The following MPP7 variants were observed in gnomAD, a reference collection of about 807,000 sequenced individuals.
MPP7 encodes the protein MAGUK p55 scaffold protein 7, also known as MAGUK p55 subfamily member 7.
A neutral mutation model predicts 76.5 loss-of-function variants in MPP7; 60 were observed. That is an observed-to-expected ratio of 0.78 (90% confidence interval 0.64 to 0.97). MPP7 has a LOEUF of 0.97. MPP7 is among the 50% of genes least tolerant of loss of function. The pLI is 0.00. For missense variants in MPP7, 641 were observed against 694.0 expected (o/e 0.92, Z 0.86); for synonymous variants, 237 against 244.5 (o/e 0.97, Z 0.29).
At chr10:28,121,167 C>T (rs192266822) in intron 8 of MPP7, among the ~76,000 whole-genome samples, 2 of 151,658 alleles carry the variant, frequency 1.3e-5, no homozygotes, top group South Asian at 2.1e-4. Flanking sequence ...ATTAGCCAAG[C>T]GTGGTGATGA....
At position 28,310,511 on chromosome 10, in the gene MPP7, A is replaced by C. The variant is rs555784383; in HGVS notation, c.-132+19418T>G. ...ACCCAGAATCCAGCAACTTTCAATTATATACCATTAAAAATACCATAAACA... is the reference window on the plus strand; with the variant it reads ...ACCCAGAATCCAGCAACTTTCAATTCTATACCATTAAAAATACCATAAACA... On this transcript the variant is annotated intron_variant, in intron 2 of 11. Coordinates refer to the MPP7 transcript ENST00000441595. 6.6e-5 allele frequency among the ~76,000 whole-genome samples: 10 copies of C among 152,302 alleles called. No homozygotes were observed. The East Asian group carries it at 1.7e-3, about 26-fold the overall frequency.
intron 2 of MPP7, among the ~76,000 whole-genome samples, chr10:28,235,657 A>T (rs1174004071): frequency 1.3e-5 from 2 of 152,210 alleles, no homozygotes; most frequent in Non-Finnish European, 2.9e-5. Flanking sequence ...ATGTGTAAAA[A>T]CAAATCTTTA....
chr10:28,250,246 C>A (rs11006947), intron 1 of MPP7, among the ~76,000 whole-genome samples: 15,960 of 152,014 alleles, frequency 0.1, 1,266 homozygotes, highest in East Asian at 0.4. Context: ...GTAATTTATG[C>A]AAAAATACTT....
intron 3 of MPP7, among the ~76,000 whole-genome samples, chr10:28,173,740 A>T (rs1836766044): frequency 6.6e-6 from 1 of 152,246 alleles, no homozygotes; most frequent in African/African-American, 2.4e-5. Flanking sequence ...CACCTAGGAA[A>T]AACACTAGTG....
intron 12 of MPP7, among the ~76,000 whole-genome samples, chr10:28,078,168 C>A (rs1455635104): frequency 6.6e-6 from 1 of 152,216 alleles, no homozygotes; most frequent in African/African-American, 2.4e-5. Flanking sequence ...GTAGCTGTTG[C>A]TCTGCTGTCT....
At chr10:28,217,694 G>A (rs1450985669) in intron 2 of MPP7, among the ~76,000 whole-genome samples, 1 of 152,008 alleles carries the variant, frequency 6.6e-6, no homozygotes, top group Non-Finnish European at 1.5e-5. Context: ...ATGAGGCAGG[G>A]GAAGGGAAAA....
At chr10:28,270,884 A>G (rs945297506) in intron 1 of MPP7, among the ~76,000 whole-genome samples, 11 of 152,112 alleles carry the variant, frequency 7.2e-5, no homozygotes, top group African/African-American at 2.7e-4. Context: ...AGGGACATTA[A>G]ATGATGATGG....
intron 8 of MPP7, among the ~76,000 whole-genome samples, chr10:28,121,812 T>TAAAA (rs35378187): frequency 0.041 from 6,014 of 145,318 alleles, 248 homozygotes; most frequent in East Asian, 0.11. Flanking sequence ...TCCATTTATT[T>TAAAA]AAAAAAAAAA....
At chr10:28,279,704 CAAAA>C (rs1338156148) in intron 1 of MPP7, among the ~76,000 whole-genome samples, 2 of 113,582 alleles carry the variant, frequency 1.8e-5, no homozygotes, top group Admixed American at 9.3e-5. Context: ...GACGCTGTCT[CAAAA>C]AAAAAAAAAA....
At chr10:28,071,999 C>T (rs570238738) in intron 12 of MPP7, among the ~76,000 whole-genome samples, 30 of 152,260 alleles carry the variant, frequency 2.0e-4, no homozygotes, top group Admixed American at 1.0e-3. Context: ...TGGGGCCTGG[C>T]GCGGTGGCTC....
chr10:28,330,934 T>A (rs2133192948), intron 1 of MPP7, among the ~76,000 whole-genome samples: 1 of 152,314 alleles, frequency 6.6e-6, no homozygotes, highest in South Asian at 2.1e-4. Flanking sequence ...ATGCCAGTAT[T>A]ACAGGTGTTA....
intron 5 of MPP7, among the ~76,000 whole-genome samples, chr10:28,135,761 T>TA (rs113733012): frequency 0.1 from 15,547 of 151,812 alleles, 1,321 homozygotes; most frequent in East Asian, 0.42. Flanking sequence ...TGATCTCACC[T>TA]AAAAAAAAGC....
intron 3 of MPP7, among the ~76,000 whole-genome samples, chr10:28,200,302 T>C (rs1387862303): frequency 1.3e-5 from 2 of 152,188 alleles, no homozygotes; most frequent in African/African-American, 4.8e-5. Flanking sequence ...GGAGGAACTA[T>C]TAAGACATTG....
At chr10:28,156,333 T>C (rs1257387348) in intron 3 of MPP7, among the ~76,000 whole-genome samples, 2 of 152,214 alleles carry the variant, frequency 1.3e-5, no homozygotes, top group Non-Finnish European at 2.9e-5. Flanking sequence ...TTATTTCCAA[T>C]TCCCCTGCTC....
chr10:28,118,692 A>C (rs147594995), intron 11 of MPP7: 36 of 985,436 alleles, frequency 3.7e-5, no homozygotes, highest in African/African-American at 7.0e-5. Context: ...TAGCAAGGAC[A>C]AGCAGGCTTT....
intron 3 of MPP7, among the ~76,000 whole-genome samples, chr10:28,186,627 G>A (rs1837246398): frequency 6.6e-6 from 1 of 152,200 alleles, no homozygotes; most frequent in African/African-American, 2.4e-5. Context: ...ACACTGCACT[G>A]CCCAACACCT....
chr10:28,284,420 C>A (rs1840749117), intron 1 of MPP7, among the ~76,000 whole-genome samples: 1 of 152,136 alleles, frequency 6.6e-6, no homozygotes, highest in Non-Finnish European at 1.5e-5. Flanking sequence ...AGCAGGAGGA[C>A]CTGTTTCAAG....
intron 16 of MPP7, among the ~76,000 whole-genome samples, chr10:28,054,546 T>C (rs1851478783): frequency 6.6e-6 from 1 of 152,188 alleles, no homozygotes; most frequent in South Asian, 2.1e-4. Context: ...AGTATTAAAA[T>C]AGCTATTGGA....
At chr10:28,146,351 T>C (rs1056005518) in intron 5 of MPP7, among the ~76,000 whole-genome samples, 1 of 152,154 alleles carries the variant, frequency 6.6e-6, no homozygotes, top group African/African-American at 2.4e-5. Context: ...GTACTTACAT[T>C]TACTTATAGG....
Sources: gnomAD v4.1 joint callset for allele counts (sites outside exome capture counted in the v4.1 genomes callset) on GRCh38, gnomAD v4.1.1 for gene constraint, MANE v1.5 for transcripts, NCBI Gene and HGNC (gene_info 2026-07-23, HGNC 2026-07-21) for gene names.